SHPRH: variants seen among roughly 807,000 people sequenced by gnomAD.
SHPRH encodes the protein E3 ubiquitin-protein ligase SHPRH.
SHPRH carries 106 observed loss-of-function variants against 202.5 expected under a neutral mutation model. The ratio of observed to expected loss-of-function variants is 0.52; its 90% CI spans 0.45 to 0.62. SHPRH has a LOEUF of 0.62. SHPRH is among the 20% of genes least tolerant of loss of function. SHPRH has a pLI of 0.00. For missense variants in SHPRH, 1,710 were observed against 2,020.0 expected (o/e 0.85, Z 2.94); for synonymous variants, 729 against 686.0 (o/e 1.06, Z -0.98).
chr6:145,886,817 G>A, intron 29 of SHPRH, 30 bp from the exon 30 acceptor site: 1 of 1,600,820 alleles, frequency 6.2e-7, no homozygotes, highest in South Asian at 1.1e-5. Context: ...AGCACAGTCA[G>A]AAAGAAACCC....
At chr6:145,872,356 C>T (rs1292444098) in intron 2 of SHPRH, among the ~76,000 whole-genome samples, 4 of 151,962 alleles carry the variant, frequency 2.6e-5, no homozygotes, top group Admixed American at 2.6e-4. Context: ...CAAAAAAAAG[C>T]AACCCCATTA....
At chr6:145,899,041 T>G (rs1033357357) in intron 25 of SHPRH, among the ~76,000 whole-genome samples, 2 of 152,108 alleles carry the variant, frequency 1.3e-5, no homozygotes, top group African/African-American at 4.8e-5. Flanking sequence ...CTTGAACTCC[T>G]GGCCTCGAGT....
intron 2 of SHPRH, among the ~76,000 whole-genome samples, chr6:145,866,698 ATACT>A (rs1171824711): frequency 6.6e-6 from 1 of 152,226 alleles, no homozygotes; most frequent in Non-Finnish European, 1.5e-5. Context: ...AGGGACGTAG[ATACT>A]TGACAGTGGT....
At chr6:145,960,176 G>A (rs555624659) in intron 1 of SHPRH, among the ~76,000 whole-genome samples, 3 of 150,992 alleles carry the variant, frequency 2.0e-5, no homozygotes, top group Non-Finnish European at 4.4e-5. Flanking sequence ...CCCTCTCCTT[G>A]GATCAGCAAA....
intron 25 of SHPRH, chr6:145,908,816 T>C (rs1783211183): frequency 6.6e-6 from 1 of 152,186 alleles, no homozygotes. Flanking sequence ...TGTCATGAAG[T>C]CTTTGTCCAT....
chr6:145,932,912 C>G, intron 14 of SHPRH, 145 bp downstream of exon 14: 1 of 863,468 alleles, frequency 1.2e-6, no homozygotes, highest in Non-Finnish European at 1.7e-6. Context: ...TTAAGTTGAA[C>G]CTATTTAAAC....
At position 145,885,003 on chromosome 6, in the gene SHPRH, T is replaced by A. The variant is rs1461612973; in HGVS notation, c.*1688A>T. 1 of 152,064 alleles carries A rather than the reference T, an allele frequency of 6.6e-6. No individual in the cohort carries two copies. Among genetic ancestry groups the A allele is most frequent in the African/African-American group, 2.4e-5 (1 of 41,424 alleles). The allele number at this position is 152,064 out of a possible 1,614,324, so 9.4% of individuals were successfully genotyped here. A position where few individuals can be genotyped will look rare whatever the true frequency, so the allele number is the denominator to read the frequency against. The stretch of plus-strand genomic sequence containing the variant: ...CAAACACAAAGAAATACTGAAATAG[T>A]CTCATTTTTAAATTATAAGCATGGG... On this transcript the variant is annotated 3_prime_UTR_variant, in exon 30 of 30. Transcript: ENST00000275233.
chr6:145,962,764 A>G (rs1789224833), intron 1 of SHPRH, among the ~76,000 whole-genome samples: 1 of 152,228 alleles, frequency 6.6e-6, no homozygotes, highest in Non-Finnish European at 1.5e-5. Context: ...ATGTTGTGTT[A>G]TGGAAATGAA....
chr6:145,872,342 T>C (rs1461912630), intron 2 of SHPRH, among the ~76,000 whole-genome samples: 1 of 151,740 alleles, frequency 6.6e-6, no homozygotes, highest in Non-Finnish European at 1.5e-5. Context: ...CTTAAACAAA[T>C]TTACAAAAAA....
At chr6:145,894,449 T>G (rs1279068665) in intron 26 of SHPRH, among the ~76,000 whole-genome samples, 1 of 151,154 alleles carries the variant, frequency 6.6e-6, no homozygotes, top group Non-Finnish European at 1.5e-5. Context: ...AAATGCTGGT[T>G]TTGAAAATGT....
At position 145,922,838 on chromosome 6, in the gene SHPRH, T is replaced by C; in HGVS notation, c.3546-2A>G. On this transcript the variant is annotated splice_acceptor_variant, in intron 18 of 29. Coordinates refer to ENST00000275233, the MANE Select transcript of SHPRH (RefSeq NM_001042683.3). LOFTEE classifies it high-confidence loss of function. ...TGAAGACCTCTGCAATCACGGAACC[T>C]GATTCCCACACCAGCACCACACACA... is the stretch of plus-strand genomic sequence containing the variant. The C allele has an allele frequency of 6.2e-7, 1 of 1,606,816 alleles. No individual in the cohort carries two copies.
chr6:145,953,706 C>T (rs1487151490), intron 2 of SHPRH, among the ~76,000 whole-genome samples: 5 of 152,050 alleles, frequency 3.3e-5, no homozygotes, highest in African/African-American at 9.7e-5. Flanking sequence ...TCACAGTTTA[C>T]AAAGTATACT....
At chr6:145,880,474 C>T (rs1243060449), downstream of SHPRH, among the ~76,000 whole-genome samples, 3 of 151,834 alleles carry the variant, frequency 2.0e-5, no homozygotes, top group Non-Finnish European at 4.4e-5. Context: ...ACAAAAACTA[C>T]AAAAATCATC....
intron 16 of SHPRH, among the ~76,000 whole-genome samples, chr6:145,925,386 TAA>T (rs1784785509): frequency 2.3e-5 from 3 of 128,714 alleles, no homozygotes; most frequent in South Asian, 4.9e-4. Context: ...GCAATAAAAA[TAA>T]AGAGGTAATT....
intron 3 of SHPRH, among the ~76,000 whole-genome samples, chr6:145,950,979 A>G (rs1326330561): frequency 2.0e-5 from 3 of 152,154 alleles, no homozygotes; most frequent in Non-Finnish European, 2.9e-5. Context: ...TTAACATACA[A>G]AATCCATATG....
intron 1 of SHPRH, among the ~76,000 whole-genome samples, chr6:145,959,219 G>A (rs1788825906): frequency 6.6e-6 from 1 of 152,118 alleles, no homozygotes; most frequent in Admixed American, 6.5e-5. Flanking sequence ...TAATGTCCCA[G>A]GCCTTCACAT....
At chr6:145,912,104 T>C (rs886965358) in intron 24 of SHPRH, among the ~76,000 whole-genome samples, 2 of 147,096 alleles carry the variant, frequency 1.4e-5, no homozygotes, top group Admixed American at 1.3e-4. Context: ...ACGAGATACC[T>C]GGCACCTGAC....
chr6:145,881,793 G>C (rs922517683), downstream of SHPRH: 2 of 152,050 alleles, frequency 1.3e-5, no homozygotes, highest in Non-Finnish European at 2.9e-5. Flanking sequence ...AGGAAGTAAG[G>C]AATAATGGAA....
intron 4 of SHPRH, among the ~76,000 whole-genome samples, chr6:145,948,889 C>T (rs1010903577): frequency 1.3e-5 from 2 of 151,990 alleles, no homozygotes; most frequent in Non-Finnish European, 2.9e-5. Flanking sequence ...CCAGAATCTT[C>T]CACTAGCCTT....
Sources: allele counts gnomAD v4.1 joint callset (sites outside exome capture counted in the v4.1 genomes callset), GRCh38; gene constraint gnomAD v4.1.1; transcripts MANE v1.5; gene names NCBI Gene and HGNC (gene_info 2026-07-23, HGNC 2026-07-21).